Variants in CCDC18 observed in about 807,000 individuals in gnomAD.
CCDC18 encodes coiled-coil domain containing 18.
Under a neutral mutation model 196.0 loss-of-function variants are expected in CCDC18, and 157 were observed. The observed-to-expected ratio is 0.80, with a 90% CI of 0.70 to 0.91. CCDC18 has a LOEUF of 0.91. Ranked by LOEUF, CCDC18 falls within the 40% of genes least tolerant of loss-of-function variation. CCDC18 has a pLI of 0.00. For synonymous variants in CCDC18, 482 were observed against 529.2 expected (o/e 0.91, Z 1.22); for missense variants, 1,465 against 1,611.6 (o/e 0.91, Z 1.56).
chr1:93,251,054 G>A (rs1425663147), intron 23 of CCDC18, among the ~76,000 whole-genome samples: 1 of 151,938 alleles, frequency 6.6e-6, no homozygotes, highest in Non-Finnish European at 1.5e-5. Flanking sequence ...GTCTTTCATT[G>A]TGGTTAAATG....
At position 93,264,912 on chromosome 1, in the gene CCDC18, A is replaced by C; in HGVS notation, c.3885+11A>C. Reference sequence around the variant, plus strand: ...GCATTACTTACTAAAGTAAGTAAACATATAAAAGTAATAAAGCATATCTAT... The same window carrying C: ...GCATTACTTACTAAAGTAAGTAAACCTATAAAAGTAATAAAGCATATCTAT... On this transcript the variant is annotated intron_variant, in intron 27 of 28. Transcript: ENST00000690025. The C allele has an allele frequency of 1.3e-6, 2 of 1,525,096 alleles. No homozygotes were observed. Among genetic ancestry groups the C allele is most frequent in the Non-Finnish European group, 1.8e-6 (2 of 1,099,564 alleles). 94.5% of individuals were successfully genotyped at this position (1,525,096 alleles called of 1,614,324 possible). A position where few individuals can be genotyped will look rare whatever the true frequency, so the allele number is the denominator to read the frequency against.
At chr1:93,193,801 C>A in intron 6 of CCDC18, 57 bp downstream of exon 6, 4 of 1,300,848 alleles carry the variant, frequency 3.1e-6, no homozygotes, top group South Asian at 1.6e-5. Context: ...GAAATATTAC[C>A]TATTTAAAAT....
chr1:93,187,057 A>G lies in CCDC18; in HGVS notation c.462+554A>G, dbSNP rs1290421249. ...ATTTCATGTGATTATATCATAATTT[A>G]GTTAATAATTCCTGTATTTCAGTGG... On this transcript the variant is annotated intron_variant, in intron 4 of 28. Transcript: ENST00000690025. Among the ~76,000 whole-genome samples, 4 of 152,108 alleles carry G rather than the reference A, an allele frequency of 2.6e-5. No individual in the cohort carries two copies. The East Asian group carries it at 7.7e-4, about 29-fold the overall frequency.
chr1:93,254,736 GT>G (rs1354064580), intron 24 of CCDC18, 122 bp downstream of exon 24: 3 of 923,538 alleles, frequency 3.2e-6, no homozygotes, highest in Non-Finnish European at 5.1e-6. Context: ...TTTTAGGCTA[GT>G]TTTTTGTGCC....
chr1:93,199,870 A>T (rs1295956721), intron 6 of CCDC18: 1 of 152,792 alleles, frequency 6.5e-6, no homozygotes, highest in Non-Finnish European at 1.5e-5. Flanking sequence ...ACCTGGCCCA[A>T]GGGGGACTTG....
chr1:93,203,584 A>G (rs1165152737), intron 7 of CCDC18, among the ~76,000 whole-genome samples: 1 of 152,182 alleles, frequency 6.6e-6, no homozygotes, highest in Non-Finnish European at 1.5e-5. Context: ...GAGAATCAGG[A>G]AAGTATAATA....
intron 18 of CCDC18, 137 bp from the exon 19 acceptor site, chr1:93,236,111 T>A (rs1419825476): frequency 1.4e-6 from 1 of 692,526 alleles, no homozygotes; most frequent in Admixed American, 3.7e-5. Flanking sequence ...GCCTTGCTTT[T>A]TATATTTTCC....
rs907699083 is a variant in CCDC18, at chr1:93,271,487, A to G, written c.4353+673A>G. On this transcript the variant is annotated intron_variant, in intron 28 of 28. Coordinates refer to ENST00000690025, the MANE Select transcript of CCDC18 (RefSeq NM_001378204.1). ...TTCTCTGCTTCCTGATTTAATCTGT[A>G]TCTTCAGGCTTCTTTATTTCCCTCT... The G allele has an allele frequency of 4.1e-6, 4 of 985,192 alleles. No individual in the cohort carries two copies. The African/African-American group carries it at 7.0e-5, about 17-fold the overall frequency. The allele number at this position is 985,192 out of a possible 1,614,324, so 61.0% of individuals were successfully genotyped here.
chr1:93,266,993 AAAG>A (rs1664611720), intron 27 of CCDC18, among the ~76,000 whole-genome samples: 1 of 152,224 alleles, frequency 6.6e-6, no homozygotes, highest in Admixed American at 6.5e-5. Context: ...CGCAACAAAA[AAAG>A]AGAATTTTAG....
chr1:93,256,533 G>C lies in CCDC18; in HGVS notation c.3541G>C (p.Glu1181Gln). 6.2e-7 allele frequency: 1 copy of C among 1,609,270 alleles called. No individual in the cohort carries two copies. The highest frequency in any genetic ancestry group is 8.5e-7 in the Non-Finnish European group (1 of 1,176,014). ...GGAGGATATGAAGCAACTCTCTAAAGAGAAAGTAATCCCTATTTTAAATAA... is the reference window on the plus strand; with the variant it reads ...GGAGGATATGAAGCAACTCTCTAAACAGAAAGTAATCCCTATTTTAAATAA... Reference protein sequence around the residue: ...ELEDMKQLSKEKDAHGNHLAE... With the variant: ...ELEDMKQLSKQKDAHGNHLAE... Residue 1181 changes from glutamate to glutamine, a missense_variant, in exon 25 of 29, where the codon GAG becomes CAG. Glu to Gln is a conservative substitution (Grantham distance 29). Coordinates refer to ENST00000690025, the MANE Select transcript of CCDC18 (RefSeq NM_001378204.1).
intron 6 of CCDC18, among the ~76,000 whole-genome samples, chr1:93,194,176 T>C (rs1342119724): frequency 6.6e-6 from 1 of 152,148 alleles, no homozygotes; most frequent in African/African-American, 2.4e-5. Context: ...TGTGAATGTG[T>C]GCTTGGATCT....
chr1:93,226,298 G>GTTTTGTTTTT, intron 16 of CCDC18, 35 bp from the exon 17 acceptor site: 1 of 589,718 alleles, frequency 1.7e-6, no homozygotes, highest in Non-Finnish European at 2.8e-6. Flanking sequence ...ATCGTTTTGT[G>GTTTTGTTTTT]TTTTTTTTTT....
At chr1:93,180,453 C>T, upstream of CCDC18, 2 of 1,392,124 alleles carry the variant, frequency 1.4e-6, no homozygotes, top group Non-Finnish European at 1.9e-6. Flanking sequence ...AGTCCTATTC[C>T]GCAACCGCCT....
At chr1:93,266,384 C>A in intron 27 of CCDC18, among the ~76,000 whole-genome samples, 1 of 152,024 alleles carries the variant, frequency 6.6e-6, no homozygotes, top group Non-Finnish European at 1.5e-5. Flanking sequence ...ATTAAAAGAG[C>A]TAGAGAAGCA....
In CCDC18 at chr1:93,180,761, C is replaced by G. The variant is rs1400699024; in HGVS notation, c.-94C>G. Reference sequence around the variant, plus strand: ...GTGCTGCCGGGGTTCGCTGGTTCTCCGAGTTGTGTCCGAGGCTTCCACGCG... The same window carrying G: ...GTGCTGCCGGGGTTCGCTGGTTCTCGGAGTTGTGTCCGAGGCTTCCACGCG... On this transcript the variant is annotated 5_prime_UTR_variant, in exon 1 of 29. Transcript: ENST00000690025. The G allele has an allele frequency of 1.5e-6, 2 of 1,367,356 alleles. No individual in the cohort carries two copies. Among genetic ancestry groups the G allele is most frequent in the East Asian group, 9.1e-5 (2 of 21,942 alleles). The allele number at this position is 1,367,356 out of a possible 1,614,324, so 84.7% of individuals were successfully genotyped here. A position where few individuals can be genotyped will look rare whatever the true frequency, so the allele number is the denominator to read the frequency against.
intron 26 of CCDC18, among the ~76,000 whole-genome samples, chr1:93,261,070 A>G (rs1418008592): frequency 1.3e-5 from 2 of 152,218 alleles, no homozygotes; most frequent in African/African-American, 2.4e-5. Flanking sequence ...ATAGTGCTGC[A>G]ATAAACATAC....
chr1:93,256,449 G>T lies in CCDC18; in HGVS notation c.3457G>T (p.Glu1153Ter). 6.2e-7 allele frequency: 1 copy of T among 1,614,114 alleles called. No homozygotes were observed. Residue 1153 changes from glutamate (E) to a stop codon, truncating the protein, a stop_gained, in exon 25 of 29, where the codon GAG (glutamate) becomes TAG (stop). Transcript: ENST00000690025. LOFTEE classifies it high-confidence loss of function. ...QVQNSHTELA[E>*]ARHQQVQAQR... ...GCAGAACTCTCATACAGAATTGGCAGAGGCTCGTCATCAGCAAGTCCAAGC... is the reference window on the plus strand; with the variant it reads ...GCAGAACTCTCATACAGAATTGGCATAGGCTCGTCATCAGCAAGTCCAAGC...
intron 16 of CCDC18, among the ~76,000 whole-genome samples, chr1:93,225,120 GCT>G (rs1228254351): frequency 2.0e-5 from 3 of 152,078 alleles, no homozygotes; most frequent in African/African-American, 4.8e-5. Flanking sequence ...TTTTTCATCT[GCT>G]AAGAAATCTA....
At chr1:93,269,841 A>C (rs1665056755) in intron 27 of CCDC18, 2 of 152,196 alleles carry the variant, frequency 1.3e-5, no homozygotes, top group Admixed American at 6.5e-5. Flanking sequence ...ACAAGGATTG[A>C]TTTATTAAAA....
Sources: allele counts gnomAD v4.1 joint callset (sites outside exome capture counted in the v4.1 genomes callset), GRCh38; gene constraint gnomAD v4.1.1; transcripts MANE v1.5; gene names NCBI Gene and HGNC (gene_info 2026-07-23, HGNC 2026-07-21).